The following CDC5L variants were observed in gnomAD, a reference collection of about 807,000 sequenced individuals.
CDC5L encodes cell division cycle 5-like protein.
In CDC5L, 18 loss-of-function variants were observed where a neutral mutation model predicts 104.1. That is an observed-to-expected ratio of 0.17 (90% confidence interval 0.12 to 0.26). The LOEUF is 0.26. CDC5L is among the 10% of genes least tolerant of loss of function. The probability of loss-of-function intolerance (pLI) is 1.00; values close to 1 mark genes in which losing one functional copy is unlikely to be tolerated. For synonymous variants in CDC5L, 331 were observed against 322.7 expected (o/e 1.03, Z -0.28); for missense variants, 673 against 956.9 (o/e 0.70, Z 3.91).
At position 44,404,892 on chromosome 6, in the gene CDC5L, C is replaced by T. The variant is rs11571947; in HGVS notation, c.758+865C>T. Among the ~76,000 whole-genome samples, 526 of 152,032 alleles carry T rather than the reference C, an allele frequency of 3.5e-3. 3 individuals carry two copies. Among genetic ancestry groups the T allele is most frequent in the African/African-American group, 0.012 (487 of 41,488 alleles). On this transcript the variant is annotated intron_variant, in intron 6 of 15. Transcript: ENST00000371477. ...TTTTTTGTAGAGAGGTGGGTCTTGC[C>T]ATGTTATCCATGCTGGCCTTGAACT... is the stretch of plus-strand genomic sequence containing the variant.
chr6:44,419,578 G>T lies in CDC5L; in HGVS notation c.1222G>T (p.Val408Phe), dbSNP rs1489873597. 1.9e-6 allele frequency: 3 copies of T among 1,613,452 alleles called. No homozygotes were observed. In the Admixed American group the frequency reaches 5.0e-5, roughly 27 times the overall value. The change falls in exon 9 of 16, where the codon GTT becomes TTT. Residue 408 changes from valine to phenylalanine, a missense_variant. By Grantham distance (50) the Val-to-Phe change is conservative (BLOSUM62 -1). Transcript: ENST00000371477. ...QRQVVQTPNT[V>F]LSTPFRTPSN... Reference sequence around the variant, plus strand: ...ACAAGTTGTACAGACTCCAAACACAGTTCTCTCTACTCCATTCAGGTATTG... The same window carrying T: ...ACAAGTTGTACAGACTCCAAACACATTTCTCTCTACTCCATTCAGGTATTG...
chr6:44,399,728 A>G (rs1358165918), intron 5 of CDC5L, among the ~76,000 whole-genome samples: 1 of 152,134 alleles, frequency 6.6e-6, no homozygotes, highest in African/African-American at 2.4e-5. Context: ...ATCTAGGCTC[A>G]CTGCAAGCTC....
chr6:44,442,125 C>T (rs775447921), intron 14 of CDC5L, among the ~76,000 whole-genome samples: 4 of 151,660 alleles, frequency 2.6e-5, no homozygotes, highest in South Asian at 2.1e-4. Context: ...TTAGTAGAGA[C>T]GGGATTTCAC....
At chr6:44,397,034 G>A (rs999914358) in intron 5 of CDC5L, among the ~76,000 whole-genome samples, 9 of 152,100 alleles carry the variant, frequency 5.9e-5, no homozygotes, top group African/African-American at 2.2e-4. Flanking sequence ...TTTTATGGAG[G>A]CTTCATTAAA....
At chr6:44,402,234 A>T (rs1791163833) in intron 5 of CDC5L, among the ~76,000 whole-genome samples, 1 of 149,466 alleles carries the variant, frequency 6.7e-6, no homozygotes, top group South Asian at 2.2e-4. Context: ...CGCCACACTG[A>T]CTTCCACAAT....
At chr6:44,419,645 G>A in intron 9 of CDC5L, 48 bp downstream of exon 9, 1 of 1,437,362 alleles carries the variant, frequency 7.0e-7, no homozygotes, top group Non-Finnish European at 9.8e-7. Flanking sequence ...TGAATTCAAG[G>A]ACTTAGCATA....
intron 14 of CDC5L, among the ~76,000 whole-genome samples, chr6:44,432,899 T>C (rs1305569183): frequency 6.6e-6 from 1 of 152,188 alleles, no homozygotes; most frequent in Non-Finnish European, 1.5e-5. Flanking sequence ...GGAAAAGTTA[T>C]GAGAGCATAC....
chr6:44,392,891 CTT>C (rs1583105871), intron 3 of CDC5L, 63 bp downstream of exon 3: 2 of 1,434,782 alleles, frequency 1.4e-6, no homozygotes, highest in East Asian at 2.3e-5. Flanking sequence ...GCTGAATAAA[CTT>C]TGAGTATTTT....
chr6:44,390,899 CAT>C (rs1038109807), intron 2 of CDC5L, among the ~76,000 whole-genome samples: 3 of 145,576 alleles, frequency 2.1e-5, no homozygotes, highest in African/African-American at 7.6e-5. Flanking sequence ...ATATATTAAA[CAT>C]ACTTAATGTT....
At chr6:44,435,273 T>C (rs1431679850) in intron 14 of CDC5L, among the ~76,000 whole-genome samples, 1 of 151,988 alleles carries the variant, frequency 6.6e-6, no homozygotes, top group African/African-American at 2.4e-5. Context: ...GTATAATTTT[T>C]TTGAGAGATA....
intron 10 of CDC5L, among the ~76,000 whole-genome samples, 191 bp downstream of exon 10, chr6:44,423,000 A>G (rs1182676670): frequency 2.0e-5 from 3 of 152,180 alleles, no homozygotes; most frequent in African/African-American, 4.8e-5. Flanking sequence ...ACCTTTCTTT[A>G]TGCTTACTAG....
At chr6:44,395,067 T>A (rs1044339038) in intron 4 of CDC5L, among the ~76,000 whole-genome samples, 1 of 152,128 alleles carries the variant, frequency 6.6e-6, no homozygotes, top group African/African-American at 2.4e-5. Flanking sequence ...CTAAAAGCGT[T>A]GATCTCATGG....
chr6:44,397,167 T>C (rs549669657), intron 5 of CDC5L, among the ~76,000 whole-genome samples: 11 of 152,366 alleles, frequency 7.2e-5, no homozygotes, highest in African/African-American at 2.6e-4. Context: ...CCGTGGTCTT[T>C]CTGGTGACTG....
intron 14 of CDC5L, among the ~76,000 whole-genome samples, chr6:44,433,014 G>C (rs976444360): frequency 6.6e-6 from 1 of 152,196 alleles, no homozygotes. Flanking sequence ...GCTATTTATA[G>C]TGGTATCCCA....
chr6:44,414,539 T>C (rs1181038426), intron 8 of CDC5L, among the ~76,000 whole-genome samples: 1 of 151,804 alleles, frequency 6.6e-6, no homozygotes, highest in Non-Finnish European at 1.5e-5. Context: ...GTCTTGCTGG[T>C]GTTACGTAGG....
chr6:44,419,134 C>T (rs1020120612), intron 8 of CDC5L, among the ~76,000 whole-genome samples: 3 of 151,954 alleles, frequency 2.0e-5, no homozygotes, highest in Non-Finnish European at 4.4e-5. Context: ...GGTTTTAGGT[C>T]TAACATTTAA....
chr6:44,429,950 G>C, intron 14 of CDC5L, 40 bp downstream of exon 14: 1 of 1,502,240 alleles, frequency 6.7e-7, no homozygotes. Flanking sequence ...AATGTACTTT[G>C]ATTGAGATAA....
At chr6:44,431,637 C>T (rs1046711104) in intron 14 of CDC5L, among the ~76,000 whole-genome samples, 1 of 152,098 alleles carries the variant, frequency 6.6e-6, no homozygotes, top group Admixed American at 6.5e-5. Flanking sequence ...CTCCCTAAAT[C>T]TCATTTACTT....
At chr6:44,396,519 A>T in intron 5 of CDC5L, 79 bp downstream of exon 5, 10 of 820,500 alleles carry the variant, frequency 1.2e-5, no homozygotes, top group Non-Finnish European at 1.7e-5. Flanking sequence ...GTGACCAGAT[A>T]TGTGGTTTTT....
Sources: allele counts gnomAD v4.1 joint callset (sites outside exome capture counted in the v4.1 genomes callset), GRCh38; gene constraint gnomAD v4.1.1; transcripts MANE v1.5; gene names NCBI Gene and HGNC (gene_info 2026-07-23, HGNC 2026-07-21).